The following CEP128 variants were observed in gnomAD, a reference collection of about 807,000 sequenced individuals.
CEP128 encodes centrosomal protein 128, also known as centrosomal protein 128kDa.
A neutral mutation model predicts 156.7 loss-of-function variants in CEP128; 132 were observed. The ratio of observed to expected loss-of-function variants is 0.84; its 90% CI spans 0.73 to 0.97. The LOEUF (loss-of-function observed/expected upper bound fraction) is 0.97. CEP128 is among the 50% of genes least tolerant of loss of function. The probability of loss-of-function intolerance (pLI) is 0.00; values close to 1 mark genes in which losing one functional copy is unlikely to be tolerated. For missense variants in CEP128, 1,252 were observed against 1,281.9 expected (o/e 0.98, Z 0.36); for synonymous variants, 469 against 448.9 (o/e 1.04, Z -0.57).
intron 8 of CEP128, among the ~76,000 whole-genome samples, chr14:80,867,662 G>A (rs1401495263): frequency 6.7e-6 from 1 of 150,000 alleles, no homozygotes; most frequent in African/African-American, 2.5e-5. Flanking sequence ...CCCACTCAGA[G>A]AAACAAAAAA....
intron 21 of CEP128, among the ~76,000 whole-genome samples, chr14:80,546,011 T>C (rs546240330): frequency 1.3e-5 from 2 of 152,284 alleles, no homozygotes; most frequent in Admixed American, 6.5e-5. Flanking sequence ...AGAGCCTACA[T>C]GTAAAATAAC....
chr14:80,878,526 C>T lies in CEP128; in HGVS notation c.646-15653G>A, dbSNP rs762979281. ...ACCATCTTAGAGTACAGAGTCACCA[C>T]TGCATGGTTCCTCATAACCTGGAGT... On this transcript the variant is annotated intron_variant, in intron 8 of 24. Coordinates refer to ENST00000555265, the MANE Select transcript of CEP128 (RefSeq NM_152446.5). Among the ~76,000 whole-genome samples, 63 of 152,340 alleles carry T rather than the reference C, an allele frequency of 4.1e-4. 1 individual carries two copies. Among genetic ancestry groups the T allele is most frequent in the Non-Finnish European group, 4.9e-4 (33 of 68,038 alleles).
chr14:80,893,479 A>C (rs1889199228), intron 8 of CEP128, among the ~76,000 whole-genome samples: 1 of 147,706 alleles, frequency 6.8e-6, no homozygotes, highest in Non-Finnish European at 1.5e-5. Context: ...AAGTAAGTAC[A>C]TTTTAGCTGT....
chr14:80,937,344 C>T (rs1034029087), intron 2 of CEP128, among the ~76,000 whole-genome samples: 1 of 151,892 alleles, frequency 6.6e-6, no homozygotes, highest in Non-Finnish European at 1.5e-5. Context: ...TATACATAGA[C>T]GTTGACCCAG....
At chr14:80,687,629 T>C (rs1388555870) in intron 19 of CEP128, among the ~76,000 whole-genome samples, 3 of 152,166 alleles carry the variant, frequency 2.0e-5, no homozygotes, top group Non-Finnish European at 4.4e-5. Context: ...TTTTGGGTAG[T>C]ATGCTCACTA....
chr14:80,805,279 C>T (rs1046520309), intron 13 of CEP128, among the ~76,000 whole-genome samples: 5 of 152,058 alleles, frequency 3.3e-5, no homozygotes, highest in Non-Finnish European at 5.9e-5. Flanking sequence ...GGACCATATT[C>T]TTGCTAATTT....
intron 13 of CEP128, among the ~76,000 whole-genome samples, chr14:80,812,766 T>C (rs1566644577): frequency 1.3e-5 from 2 of 152,210 alleles, no homozygotes; most frequent in Non-Finnish European, 2.9e-5. Context: ...GGTTTCACCA[T>C]GTTGGTCAGG....
chr14:80,794,540 A>G (rs915325007), intron 13 of CEP128, among the ~76,000 whole-genome samples: 3 of 152,188 alleles, frequency 2.0e-5, no homozygotes, highest in Admixed American at 6.6e-5. Context: ...AAGTTTTACC[A>G]ATATGCTAGA....
chr14:80,673,265 C>T (rs949019198), intron 19 of CEP128, among the ~76,000 whole-genome samples: 1 of 152,062 alleles, frequency 6.6e-6, no homozygotes, highest in African/African-American at 2.4e-5. Context: ...TACAGCAAGC[C>T]ACAGTATTTA....
At chr14:80,901,067 G>A (rs1418619564) in intron 6 of CEP128, among the ~76,000 whole-genome samples, 3 of 151,844 alleles carry the variant, frequency 2.0e-5, no homozygotes, top group East Asian at 1.9e-4. Flanking sequence ...TTAGCCGGGC[G>A]TGGTAGCGGG....
intron 19 of CEP128, among the ~76,000 whole-genome samples, chr14:80,706,090 T>C (rs1482365671): frequency 6.6e-6 from 1 of 152,130 alleles, no homozygotes; most frequent in Non-Finnish European, 1.5e-5. Context: ...ATTCCGTTTC[T>C]ATCATAAATT....
At chr14:80,842,391 A>T (rs1471853417) in intron 9 of CEP128, among the ~76,000 whole-genome samples, 1 of 152,028 alleles carries the variant, frequency 6.6e-6, no homozygotes, top group East Asian at 1.9e-4. Flanking sequence ...GTCAGTCAAC[A>T]AGTAAACACA....
At chr14:80,529,801 T>G (rs1889144499) in intron 22 of CEP128, among the ~76,000 whole-genome samples, 1 of 152,234 alleles carries the variant, frequency 6.6e-6, no homozygotes, top group African/African-American at 2.4e-5. Context: ...CACTTGGTTT[T>G]GTTCAATTTG....
intron 21 of CEP128, among the ~76,000 whole-genome samples, chr14:80,556,364 T>C (rs943087678): frequency 3.3e-5 from 5 of 152,190 alleles, no homozygotes; most frequent in Non-Finnish European, 5.9e-5. Context: ...GAGGTTGAGA[T>C]ACATGCAGTT....
intron 19 of CEP128, among the ~76,000 whole-genome samples, chr14:80,732,947 C>G (rs1881479522): frequency 8.0e-6 from 1 of 124,392 alleles, no homozygotes; most frequent in African/African-American, 3.3e-5. Context: ...TTTTATATGT[C>G]AACTTGACTG....
chr14:80,560,549 C>T (rs1039879737), intron 20 of CEP128, among the ~76,000 whole-genome samples: 4 of 152,190 alleles, frequency 2.6e-5, no homozygotes, highest in African/African-American at 7.2e-5. Context: ...TGACTGTATA[C>T]ACGGATGCAG....
At chr14:80,841,386 T>C (rs1482496189) in intron 9 of CEP128, among the ~76,000 whole-genome samples, 2 of 152,066 alleles carry the variant, frequency 1.3e-5, no homozygotes, top group Non-Finnish European at 2.9e-5. Context: ...CAAAATATGT[T>C]AAAAACTGCT....
intron 19 of CEP128, among the ~76,000 whole-genome samples, chr14:80,597,888 C>T (rs1892401207): frequency 7.8e-6 from 1 of 127,534 alleles, no homozygotes; most frequent in African/African-American, 3.0e-5. Flanking sequence ...TGACAAAATT[C>T]ATTGACCATT....
intron 2 of CEP128, among the ~76,000 whole-genome samples, chr14:80,948,761 T>C (rs1258720517): frequency 6.6e-6 from 1 of 152,244 alleles, no homozygotes; most frequent in Non-Finnish European, 1.5e-5. Flanking sequence ...TTATTTAACC[T>C]GATCACAAAG....
Sources: gnomAD v4.1 joint callset for allele counts (sites outside exome capture counted in the v4.1 genomes callset) on GRCh38, gnomAD v4.1.1 for gene constraint, MANE v1.5 for transcripts, NCBI Gene and HGNC (gene_info 2026-07-23, HGNC 2026-07-21) for gene names.